Variants in EGFLAM observed in about 807,000 individuals in gnomAD.
EGFLAM encodes pikachurin.
EGFLAM carries 79 observed loss-of-function variants against 113.1 expected under a neutral mutation model. That is an observed-to-expected ratio of 0.70 (90% confidence interval 0.58 to 0.84). EGFLAM has a LOEUF of 0.84. Ranked by LOEUF, EGFLAM falls within the 40% of genes least tolerant of loss-of-function variation. The pLI is 0.00. For missense variants in EGFLAM, 1,265 were observed against 1,291.6 expected, an observed-to-expected ratio of 0.98 and a Z score of 0.32; for synonymous variants, 504 against 487.6, an observed-to-expected ratio of 1.03 and a Z score of -0.44.
At chr5:38,381,261 T>C (rs531939451) in intron 6 of EGFLAM, among the ~76,000 whole-genome samples, 2 of 152,334 alleles carry the variant, frequency 1.3e-5, no homozygotes, top group South Asian at 4.1e-4. Context: ...GATCATTTCT[T>C]AGCATCTAAA....
At position 38,426,999 on chromosome 5, in the gene EGFLAM, G is replaced by T; in HGVS notation, c.1811-10G>T. ...CAGAGGGATTTCTAACACCATGCTT[G>T]TTTTTTCAGCTTTCACCTTGACCAT... On this transcript the variant is annotated splice_polypyrimidine_tract_variant and intron_variant, in intron 13 of 21. Coordinates refer to ENST00000322350, the MANE Select transcript of EGFLAM (RefSeq NM_152403.4). 1.2e-6 allele frequency: 2 copies of T among 1,613,340 alleles called. No individual in the cohort carries two copies. The highest frequency in any genetic ancestry group is 1.7e-6 in the Non-Finnish European group (2 of 1,179,814).
intron 11 of EGFLAM, 84 bp downstream of exon 11, chr5:38,412,732 G>A: frequency 6.6e-7 from 1 of 1,508,236 alleles, no homozygotes; most frequent in Admixed American, 2.2e-5. Flanking sequence ...GAGAGCCGTG[G>A]CAGAGTCTGC....
chr5:38,394,354 C>A (rs1740896870), intron 6 of EGFLAM, among the ~76,000 whole-genome samples: 1 of 151,844 alleles, frequency 6.6e-6, no homozygotes, highest in Non-Finnish European at 1.5e-5. Flanking sequence ...CAAATCAATT[C>A]CTTCTTGTGT....
chr5:38,312,430 C>T (rs1022760771), intron 1 of EGFLAM, among the ~76,000 whole-genome samples: 10 of 152,040 alleles, frequency 6.6e-5, no homozygotes, highest in South Asian at 2.1e-4. Flanking sequence ...TTTAGAGAGA[C>T]GGGGTTTCAC....
At chr5:38,381,571 G>A (rs187146865) in intron 6 of EGFLAM, among the ~76,000 whole-genome samples, 201 of 152,232 alleles carry the variant, frequency 1.3e-3, no homozygotes, top group African/African-American at 4.8e-3. Context: ...TTTAATGAGG[G>A]GACTGTTTGC....
chr5:38,331,962 T>G (rs1359262919), intron 1 of EGFLAM, among the ~76,000 whole-genome samples: 1 of 152,170 alleles, frequency 6.6e-6, no homozygotes, highest in Non-Finnish European at 1.5e-5. Context: ...CACATGCCAG[T>G]GGTATGATGA....
intron 14 of EGFLAM, among the ~76,000 whole-genome samples, chr5:38,427,784 G>A (rs934452650): frequency 1.2e-4 from 18 of 152,170 alleles, no homozygotes; most frequent in Admixed American, 3.9e-4. Context: ...GCAGAGACCC[G>A]TTCCCTAAGC....
intron 3 of EGFLAM, among the ~76,000 whole-genome samples, chr5:38,340,903 GA>G (rs1212831692): frequency 6.6e-6 from 1 of 151,712 alleles, no homozygotes; most frequent in East Asian, 1.9e-4. Flanking sequence ...ATGAAAAGAG[GA>G]AATCAAGACT....
chr5:38,274,622 A>G (rs2111729547), intron 1 of EGFLAM, among the ~76,000 whole-genome samples: 1 of 152,336 alleles, frequency 6.6e-6, no homozygotes, highest in East Asian at 1.9e-4. Context: ...TTCAGAAATG[A>G]AGGATAGATA....
chr5:38,463,601 C>G (rs765393305), intron 21 of EGFLAM, among the ~76,000 whole-genome samples: 1 of 152,168 alleles, frequency 6.6e-6, no homozygotes, highest in Non-Finnish European at 1.5e-5. Flanking sequence ...GAATTTATAG[C>G]TTTTGATTGT....
At chr5:38,302,958 G>A (rs1269615053) in intron 1 of EGFLAM, among the ~76,000 whole-genome samples, 1 of 152,100 alleles carries the variant, frequency 6.6e-6, no homozygotes, top group Admixed American at 6.6e-5. Flanking sequence ...TCAATAATGA[G>A]CTCATTCTGG....
chr5:38,425,304 G>A (rs1349665786), intron 13 of EGFLAM, among the ~76,000 whole-genome samples: 5 of 151,970 alleles, frequency 3.3e-5, no homozygotes, highest in East Asian at 1.9e-4. Context: ...CTCAGCTCCC[G>A]AGTAGCTGGA....
In EGFLAM at chr5:38,440,529, G is replaced by A. The variant is rs147802838; in HGVS notation, c.2464+2074G>A. Among the ~76,000 whole-genome samples, 510 of 152,262 alleles carry A rather than the reference G, an allele frequency of 3.3e-3. 3 individuals carry two copies. Among genetic ancestry groups the A allele is most frequent in the African/African-American group, 0.012 (480 of 41,524 alleles). ...GGAAAGAAAAGGAAAAGAGATGGGC[G>A]ATTATGTTGTTCCATAGAGATGCAA... On this transcript the variant is annotated intron_variant, in intron 17 of 21. Coordinates refer to ENST00000322350, the MANE Select transcript of EGFLAM (RefSeq NM_152403.4).
At chr5:38,399,276 C>CTTTTT (rs1561068047) in intron 6 of EGFLAM, among the ~76,000 whole-genome samples, 7 of 123,392 alleles carry the variant, frequency 5.7e-5, no homozygotes, top group African/African-American at 1.9e-4. Context: ...TTTTTGTTTT[C>CTTTTT]GTTTTTTTTT....
At chr5:38,360,017 C>A (rs913201223) in intron 5 of EGFLAM, among the ~76,000 whole-genome samples, 1 of 152,090 alleles carries the variant, frequency 6.6e-6, no homozygotes, top group Non-Finnish European at 1.5e-5. Context: ...AAGTATTACT[C>A]GCAAATTGAT....
chr5:38,446,081 C>G (rs1742701759), intron 17 of EGFLAM, among the ~76,000 whole-genome samples: 1 of 152,172 alleles, frequency 6.6e-6, no homozygotes, highest in Admixed American at 6.5e-5. Flanking sequence ...ACCAGGGACT[C>G]CTTGGTTCCG....
intron 1 of EGFLAM, among the ~76,000 whole-genome samples, chr5:38,296,738 A>T (rs2589768): frequency 0.44 from 67,182 of 151,284 alleles, 16,329 homozygotes; most frequent in African/African-American, 0.65. Flanking sequence ...TATGTATGTA[A>T]TTTTGTAATT....
intron 5 of EGFLAM, among the ~76,000 whole-genome samples, chr5:38,367,115 GTGTATGCCC>G (rs1181662993): frequency 1.3e-5 from 2 of 152,108 alleles, no homozygotes; most frequent in Non-Finnish European, 2.9e-5. Context: ...AATGCTTGCA[GTGTATGCCC>G]TGCTGGTGGC....
In EGFLAM at chr5:38,435,806, CTTTTTTTTTTTT is replaced by C. The variant is rs60461690; in HGVS notation, c.2283+571_2283+582del. ...AAGATACTGACTCCCCCGGCTCTCT[CTTTTTTTTTTTT>C]TTTTTTTTTTTTTTTTTGAGATTGA... On this transcript the variant is annotated intron_variant, in intron 16 of 21. Transcript: ENST00000322350. 3.5e-4 allele frequency among the ~76,000 whole-genome samples: 31 copies of C among 88,924 alleles called. 1 individual carries two copies. Among genetic ancestry groups the C allele is most frequent in the Admixed American group, 1.2e-3 (9 of 7,360 alleles). 58.3% of individuals were successfully genotyped at this position (88,924 alleles called of 152,430 possible). A position where few individuals can be genotyped will look rare whatever the true frequency, so the allele number is the denominator to read the frequency against.
Sources: allele counts gnomAD v4.1 joint callset (sites outside exome capture counted in the v4.1 genomes callset), GRCh38; gene constraint gnomAD v4.1.1; transcripts MANE v1.5; gene names NCBI Gene and HGNC (gene_info 2026-07-23, HGNC 2026-07-21).